Variants in DNAH14 observed in about 807,000 individuals in gnomAD.
DNAH14 encodes axonemal beta dynein heavy chain 14.
Under a neutral mutation model 520.9 loss-of-function variants are expected in DNAH14, and 478 were observed. That is an observed-to-expected ratio of 0.92 (90% confidence interval 0.85 to 0.99). The LOEUF (loss-of-function observed/expected upper bound fraction) is 0.99, where lower values mean the gene tolerates loss of function less well. Among genes scored for constraint, DNAH14 ranks in the 50% least tolerant of loss-of-function variants. The probability of loss-of-function intolerance (pLI) is 0.00; values close to 1 mark genes in which losing one functional copy is unlikely to be tolerated. For missense variants in DNAH14, 4,831 were observed against 5,234.5 expected (o/e 0.92, Z 2.38); for synonymous variants, 1,581 against 1,757.2 (o/e 0.90, Z 2.51).
intron 25 of DNAH14, among the ~76,000 whole-genome samples, chr1:225,118,926 G>A (rs956671170): frequency 6.6e-6 from 1 of 151,034 alleles, no homozygotes; most frequent in Non-Finnish European, 1.5e-5. Flanking sequence ...TTCCAGTGAG[G>A]AATCCAAAAC....
chr1:225,304,239 A>G (rs962930598), intron 57 of DNAH14, among the ~76,000 whole-genome samples: 1 of 152,110 alleles, frequency 6.6e-6, no homozygotes, highest in African/African-American at 2.4e-5. Context: ...CTTGCTATTG[A>G]TGACCACTTT....
chr1:225,176,840 A>G (rs1468735399), intron 36 of DNAH14, among the ~76,000 whole-genome samples: 1 of 152,178 alleles, frequency 6.6e-6, no homozygotes, highest in Non-Finnish European at 1.5e-5. Context: ...TCTTTCTTTT[A>G]TAAATTGCCC....
At chr1:225,334,725 G>A (rs2094876149) in intron 66 of DNAH14, among the ~76,000 whole-genome samples, 1 of 151,698 alleles carries the variant, frequency 6.6e-6, no homozygotes, top group South Asian at 2.1e-4. Flanking sequence ...GATTGCACAT[G>A]CACAATGGTG....
intron 41 of DNAH14, among the ~76,000 whole-genome samples, chr1:225,229,991 T>A (rs2090944985): frequency 6.6e-6 from 1 of 152,136 alleles, no homozygotes; most frequent in Admixed American, 6.6e-5. Flanking sequence ...ATCTGCAGAA[T>A]AAGGGATGCT....
chr1:225,127,596 G>A (rs375905455), intron 27 of DNAH14, among the ~76,000 whole-genome samples: 6 of 151,972 alleles, frequency 3.9e-5, no homozygotes, highest in South Asian at 4.1e-4. Flanking sequence ...TTGAGCCTAT[G>A]TGTGTCTCTG....
intron 64 of DNAH14, among the ~76,000 whole-genome samples, chr1:225,329,282 G>A (rs1334615980): frequency 6.6e-6 from 1 of 152,158 alleles, no homozygotes; most frequent in Non-Finnish European, 1.5e-5. Flanking sequence ...AAGGGCCAAG[G>A]TACAAAGGAT....
chr1:225,128,615 A>T (rs2078031985), intron 27 of DNAH14, among the ~76,000 whole-genome samples: 1 of 151,460 alleles, frequency 6.6e-6, no homozygotes, highest in Non-Finnish European at 1.5e-5. Context: ...AAAATTCAAC[A>T]ACACTTCATG....
intron 52 of DNAH14, among the ~76,000 whole-genome samples, chr1:225,275,423 G>A (rs149602919): frequency 2.0e-5 from 3 of 152,306 alleles, no homozygotes; most frequent in Non-Finnish European, 2.9e-5. Context: ...TTAGGGGAGA[G>A]GGAGATGGTC....
Position 225,018,681 on chromosome 1 carries a change from C to T in DNAH14, c.1108-4934C>T, listed in dbSNP as rs1286570193. On this transcript the variant is annotated intron_variant, in intron 10 of 85. Coordinates refer to ENST00000682510, the MANE Select transcript of DNAH14 (RefSeq NM_001367479.1). ...GGGCAGATCACTGGCAAAGGGAACC[C>T]CTTCTGGCTAACAGCAGTCCTTTTA... Among the ~76,000 whole-genome samples the T allele has an allele frequency of 3.3e-5, 5 of 152,152 alleles. No individual in the cohort carries two copies. In the East Asian group the frequency reaches 5.8e-4, roughly 18 times the overall value.
intron 21 of DNAH14, among the ~76,000 whole-genome samples, chr1:225,094,086 TATC>T (rs2074661881): frequency 6.6e-6 from 1 of 152,166 alleles, no homozygotes. Flanking sequence ...GTGCTGTTCT[TATC>T]ATGCTACCAA....
intron 43 of DNAH14, among the ~76,000 whole-genome samples, chr1:225,241,111 A>T (rs1159230321): frequency 1.3e-5 from 2 of 152,172 alleles, no homozygotes; most frequent in Non-Finnish European, 2.9e-5. Flanking sequence ...CTGGATCTGT[A>T]TTATCCATAT....
intron 17 of DNAH14, among the ~76,000 whole-genome samples, chr1:225,076,615 T>G (rs1242582551): frequency 1.3e-5 from 2 of 152,090 alleles, no homozygotes; most frequent in East Asian, 3.9e-4. Flanking sequence ...TGAACCAAAT[T>G]TCTATAGTAA....
At chr1:225,120,008 T>C (rs1392737087) in intron 26 of DNAH14, among the ~76,000 whole-genome samples, 1 of 152,194 alleles carries the variant, frequency 6.6e-6, no homozygotes, top group Non-Finnish European at 1.5e-5. Flanking sequence ...GCCTGCTGCC[T>C]AGACAGAGCC....
At chr1:225,337,948 A>C in intron 67 of DNAH14, 113 bp from the exon 68 acceptor site, 65 of 957,620 alleles carry the variant, frequency 6.8e-5, no homozygotes, top group Non-Finnish European at 9.4e-5. Flanking sequence ...ATGAAATACT[A>C]GGTCTTATTC....
intron 17 of DNAH14, among the ~76,000 whole-genome samples, chr1:225,059,918 C>A (rs1462270692): frequency 6.6e-6 from 1 of 152,208 alleles, no homozygotes; most frequent in African/African-American, 2.4e-5. Flanking sequence ...ATGGGCTTCC[C>A]TTTGTGGGTA....
At position 225,304,898 on chromosome 1, in the gene DNAH14, T is replaced by C. The variant is rs1394083331; in HGVS notation, c.8824-10T>C. 1 of 1,500,764 alleles carries C rather than the reference T, an allele frequency of 6.7e-7. No homozygotes were observed. Among genetic ancestry groups the C allele is most frequent in the African/African-American group, 1.4e-5 (1 of 70,000 alleles). The allele number at this position is 1,500,764 out of a possible 1,614,324, so 93.0% of individuals were successfully genotyped here. The stretch of plus-strand genomic sequence containing the variant: ...CTTTCTCTTAATTCTTAAAAATTAT[T>C]ATTCTTCAGAACTTGAAAGAAAAAC... On this transcript the variant is annotated splice_polypyrimidine_tract_variant and intron_variant, in intron 57 of 85. Coordinates refer to ENST00000682510, the MANE Select transcript of DNAH14 (RefSeq NM_001367479.1).
chr1:225,368,054 AAAC>A (rs1267057572), intron 77 of DNAH14, 22 bp downstream of exon 77: 9 of 1,510,770 alleles, frequency 6.0e-6, no homozygotes, highest in Non-Finnish European at 3.6e-6. Flanking sequence ...CTCTTCAAAC[AAAC>A]AACAAATAAG....
At chr1:225,362,597 C>T (rs2095505668) in intron 75 of DNAH14, among the ~76,000 whole-genome samples, 1 of 148,116 alleles carries the variant, frequency 6.8e-6, no homozygotes, top group African/African-American at 2.5e-5. Flanking sequence ...AAATGCTCAG[C>T]ATCACTAATC....
intron 82 of DNAH14, among the ~76,000 whole-genome samples, chr1:225,389,097 T>G (rs1485179882): frequency 6.6e-6 from 1 of 152,204 alleles, no homozygotes; most frequent in African/African-American, 2.4e-5. Context: ...ATAATAAAAA[T>G]AGCTGGAGAA....
Sources: gnomAD v4.1 joint callset for allele counts (sites outside exome capture counted in the v4.1 genomes callset) on GRCh38, gnomAD v4.1.1 for gene constraint, MANE v1.5 for transcripts, NCBI Gene and HGNC (gene_info 2026-07-23, HGNC 2026-07-21) for gene names.